CMIP: variants seen among roughly 807,000 people sequenced by gnomAD.
The protein encoded by CMIP is C-Maf-inducing protein.
A neutral mutation model predicts 97.3 loss-of-function variants in CMIP; 13 were observed. That is an observed-to-expected ratio of 0.13 (90% CI 0.09 to 0.21). CMIP has a LOEUF of 0.21. Among genes scored for constraint, CMIP ranks in the 10% least tolerant of loss-of-function variants. The pLI is 1.00. For missense variants in CMIP, 847 were observed against 1,024.9 expected, an observed-to-expected ratio of 0.83 and a Z score of 2.37; for synonymous variants, 538 against 436.3, an observed-to-expected ratio of 1.23 and a Z score of -2.91.
At chr16:81,600,483 GCACAAACAGC>G (rs1434815618) in intron 1 of CMIP, among the ~76,000 whole-genome samples, 1 of 152,070 alleles carries the variant, frequency 6.6e-6, no homozygotes, top group Non-Finnish European at 1.5e-5. Context: ...AAGGAGCCAG[GCACAAACAGC>G]CACAAAGTAT....
intron 3 of CMIP, chr16:81,631,410 C>G (rs772285958): frequency 6.6e-6 from 1 of 152,268 alleles, no homozygotes; most frequent in East Asian, 1.9e-4. Context: ...TTGGAAGAGA[C>G]ACAGGACGTT....
At chr16:81,622,124 G>C (rs2092000602) in intron 3 of CMIP, 2 of 152,236 alleles carry the variant, frequency 1.3e-5, no homozygotes, top group South Asian at 4.1e-4. Context: ...AACCGCATAA[G>C]GTTGATGATT....
intron 1 of CMIP, among the ~76,000 whole-genome samples, chr16:81,480,932 C>G (rs1402096496): frequency 6.6e-6 from 1 of 152,104 alleles, no homozygotes; most frequent in Non-Finnish European, 1.5e-5. Context: ...GGGTGGGGTC[C>G]AAAGTTGAGG....
chr16:81,649,686 A>G (rs992576837), intron 3 of CMIP, among the ~76,000 whole-genome samples: 2 of 152,230 alleles, frequency 1.3e-5, no homozygotes, highest in Admixed American at 6.5e-5. Flanking sequence ...TGAAGTCATT[A>G]ATCTTTCAAA....
At chr16:81,591,210 A>C (rs535642456) in intron 1 of CMIP, among the ~76,000 whole-genome samples, 22 of 151,898 alleles carry the variant, frequency 1.4e-4, no homozygotes, top group South Asian at 1.1e-3. Flanking sequence ...TGGGATCATA[A>C]TGGTACCCCT....
chr16:81,694,613 C>T (rs1000476986), intron 13 of CMIP, among the ~76,000 whole-genome samples: 11 of 152,206 alleles, frequency 7.2e-5, no homozygotes, highest in Admixed American at 7.2e-4. Flanking sequence ...TGTTCTCAAA[C>T]TATATTACCT....
intron 1 of CMIP, among the ~76,000 whole-genome samples, chr16:81,500,216 T>A (rs1412887224): frequency 1.3e-5 from 2 of 151,272 alleles, no homozygotes; most frequent in Admixed American, 1.3e-4. Context: ...ATTCTTTTGG[T>A]GAATTTTGAT....
chr16:81,494,795 A>T lies in CMIP; in HGVS notation c.300+49254A>T, dbSNP rs61210185. Among the ~76,000 whole-genome samples the T allele has an allele frequency of 5.9e-5, 9 of 152,332 alleles. No individual in the cohort carries two copies. The East Asian group carries it at 1.2e-3, about 20-fold the overall frequency. ...ATACCCTTGTCCCCAAACAACTCTG[A>T]ATCTCTTTTCATCATGAATATTATT... On this transcript the variant is annotated intron_variant, in intron 1 of 20. Coordinates refer to ENST00000537098, the MANE Select transcript of CMIP (RefSeq NM_198390.3).
At chr16:81,576,952 T>C (rs912025849) in intron 1 of CMIP, among the ~76,000 whole-genome samples, 1 of 152,104 alleles carries the variant, frequency 6.6e-6, no homozygotes, top group African/African-American at 2.4e-5. Context: ...GCAGCATCAC[T>C]GTCACTGTCA....
chr16:81,659,712 G>C (rs962146771), intron 5 of CMIP, among the ~76,000 whole-genome samples: 6 of 152,156 alleles, frequency 3.9e-5, no homozygotes, highest in African/African-American at 9.7e-5. Context: ...AAGAAATTTT[G>C]ATCTGAGAAA....
intron 3 of CMIP, among the ~76,000 whole-genome samples, chr16:81,650,432 GAAGGAGCAGAGA>G (rs1232679680): frequency 6.6e-6 from 1 of 152,188 alleles, no homozygotes; most frequent in African/African-American, 2.4e-5. Context: ...GAAGGAGAAA[GAAGGAGCAGAGA>G]GAGGAGAAGG....
At chr16:81,677,858 G>C (rs1904429541) in intron 9 of CMIP, among the ~76,000 whole-genome samples, 1 of 152,156 alleles carries the variant, frequency 6.6e-6, no homozygotes, top group African/African-American at 2.4e-5. Context: ...AGGGCAGTTA[G>C]ACTGCAGGAA....
intron 1 of CMIP, among the ~76,000 whole-genome samples, chr16:81,471,715 G>A (rs1238718280): frequency 6.6e-6 from 1 of 152,180 alleles, no homozygotes; most frequent in Non-Finnish European, 1.5e-5. Flanking sequence ...GTACATACTG[G>A]TGATAAAGTT....
rs1221243823 is a variant in CMIP, at chr16:81,444,982, G to T, written c.-260G>T. Among the ~76,000 whole-genome samples the T allele has an allele frequency of 4.5e-5, 6 of 132,810 alleles. No homozygotes were observed. Among genetic ancestry groups the T allele is most frequent in the African/African-American group, 1.6e-4 (6 of 36,364 alleles). 87.1% of individuals were successfully genotyped at this position (132,810 alleles called of 152,430 possible). A position where few individuals can be genotyped will look rare whatever the true frequency, so the allele number is the denominator to read the frequency against. ...CCCCTCCCCGTCGCCCGCCGAGCCC[G>T]GTCAGCCGCCGCGAGCATGCACCCG... On this transcript the variant is annotated 5_prime_UTR_variant, in exon 1 of 21. Coordinates refer to ENST00000537098, the MANE Select transcript of CMIP (RefSeq NM_198390.3).
chr16:81,475,373 G>A (rs944573080), intron 1 of CMIP, among the ~76,000 whole-genome samples: 1 of 152,148 alleles, frequency 6.6e-6, no homozygotes, highest in African/African-American at 2.4e-5. Context: ...CTGATGTACC[G>A]TTCTCTGATT....
intron 1 of CMIP, among the ~76,000 whole-genome samples, chr16:81,508,773 G>T (rs1026137578): frequency 6.6e-6 from 1 of 152,252 alleles, no homozygotes; most frequent in Non-Finnish European, 1.5e-5. Flanking sequence ...ATGGTGTGCA[G>T]AATGATCTGA....
At chr16:81,674,938 C>G (rs927351755) in intron 9 of CMIP, among the ~76,000 whole-genome samples, 12 of 152,010 alleles carry the variant, frequency 7.9e-5, no homozygotes, top group African/African-American at 2.7e-4. Context: ...TACCAGCGTA[C>G]TTTGGGTTAT....
chr16:81,580,783 C>T (rs897239582), intron 1 of CMIP, among the ~76,000 whole-genome samples: 2 of 152,100 alleles, frequency 1.3e-5, no homozygotes, highest in South Asian at 2.1e-4. Context: ...GGCAACAGAG[C>T]GAGACTCTGT....
chr16:81,620,934 C>G lies in CMIP; in HGVS notation c.477+8C>G. On this transcript the variant is annotated splice_region_variant and intron_variant, in intron 3 of 20. Coordinates refer to ENST00000537098, the MANE Select transcript of CMIP (RefSeq NM_198390.3). The stretch of plus-strand genomic sequence containing the variant: ...CATTCTCTGCAATGGAAGGTAAGTA[C>G]TGACTCGGTTGCTTGTTTAAAGCGA... 2 of 1,613,902 alleles carry G rather than the reference C, an allele frequency of 1.2e-6. No individual in the cohort carries two copies. Among genetic ancestry groups the G allele is most frequent in the Non-Finnish European group, 1.7e-6 (2 of 1,179,804 alleles).
Sources: allele counts gnomAD v4.1 joint callset (sites outside exome capture counted in the v4.1 genomes callset), GRCh38; gene constraint gnomAD v4.1.1; transcripts MANE v1.5; gene names NCBI Gene and HGNC (gene_info 2026-07-23, HGNC 2026-07-21).